ZDHHC17: variants seen among roughly 807,000 people sequenced by gnomAD.
ZDHHC17 encodes the protein zDHHC palmitoyltransferase 17, also known as palmitoyltransferase ZDHHC17.
A neutral mutation model predicts 90.3 loss-of-function variants in ZDHHC17; 40 were observed. The ratio of observed to expected loss-of-function variants is 0.44; its 90% CI spans 0.34 to 0.58. ZDHHC17 has a LOEUF of 0.58. Ranked by LOEUF, ZDHHC17 falls within the 20% of genes least tolerant of loss-of-function variation. The probability of loss-of-function intolerance (pLI) is 0.01; values close to 1 mark genes in which losing one functional copy is unlikely to be tolerated. For missense variants in ZDHHC17, 614 were observed against 780.8 expected, an observed-to-expected ratio of 0.79 and a Z score of 2.55; for synonymous variants, 235 against 252.4, an observed-to-expected ratio of 0.93 and a Z score of 0.65.
chr12:76,849,323 CAAAAAAAAAA>C, intron 15 of ZDHHC17, 43 bp from the exon 16 acceptor site: 1 of 452,136 alleles, frequency 2.2e-6, no homozygotes, highest in Non-Finnish European at 3.2e-6. Context: ...GGTCCTGTCT[CAAAAAAAAAA>C]AAAAAAAACA....
At chr12:76,825,597 T>G (rs1953221426) in intron 8 of ZDHHC17, among the ~76,000 whole-genome samples, 1 of 152,134 alleles carries the variant, frequency 6.6e-6, no homozygotes, top group Non-Finnish European at 1.5e-5. Context: ...GATGTTTAAT[T>G]ATTACTCTAA....
chr12:76,772,020 A>T (rs553825415), intron 1 of ZDHHC17, among the ~76,000 whole-genome samples: 2 of 152,310 alleles, frequency 1.3e-5, no homozygotes, highest in Admixed American at 1.3e-4. Context: ...TCTTCCATGT[A>T]GCCGGGACAT....
rs1953564443 is a variant in ZDHHC17, at chr12:76,851,269, A to AT, written c.*289dup. 1 of 354,038 alleles carries AT rather than the reference A, an allele frequency of 2.8e-6. No individual in the cohort carries two copies. Among genetic ancestry groups the AT allele is most frequent in the East Asian group, 7.3e-5 (1 of 13,684 alleles). 21.9% of individuals were successfully genotyped at this position (354,038 alleles called of 1,614,324 possible). A position where few individuals can be genotyped will look rare whatever the true frequency, so the allele number is the denominator to read the frequency against. ...AACTTTTGGGTTTTGTTCTCACAGT[A>AT]TTTTTCACAAAAAAAGGGTAAACTT... On this transcript the variant is annotated 3_prime_UTR_variant, in exon 17 of 17. Coordinates refer to ENST00000426126, the MANE Select transcript of ZDHHC17 (RefSeq NM_015336.4).
intron 1 of ZDHHC17, among the ~76,000 whole-genome samples, chr12:76,785,076 T>G (rs2137728572): frequency 6.6e-6 from 1 of 152,290 alleles, no homozygotes; most frequent in African/African-American, 2.4e-5. Flanking sequence ...ACAAGGACAG[T>G]TTTGTGAGTT....
chr12:76,850,618 T>A (rs1303435968), intron 16 of ZDHHC17, among the ~76,000 whole-genome samples: 1 of 152,192 alleles, frequency 6.6e-6, no homozygotes, highest in Non-Finnish European at 1.5e-5. Context: ...ATTTAAAATA[T>A]AATTGTGTAA....
At chr12:76,770,796 G>A (rs1053070186) in intron 1 of ZDHHC17, among the ~76,000 whole-genome samples, 1 of 152,022 alleles carries the variant, frequency 6.6e-6, no homozygotes, top group Admixed American at 6.5e-5. Context: ...AATTAGCCGG[G>A]CATGGGGGTG....
intron 5 of ZDHHC17, among the ~76,000 whole-genome samples, chr12:76,812,731 AT>A (rs1465550291): frequency 6.6e-6 from 1 of 151,964 alleles, no homozygotes; most frequent in Non-Finnish European, 1.5e-5. Flanking sequence ...AATTATATCA[AT>A]TTTACATTGT....
rs543757064 is a variant in ZDHHC17 at position 76,798,736 on chromosome 12, G to A, written c.197+1199G>A. 4.5e-4 allele frequency among the ~76,000 whole-genome samples: 68 copies of A among 152,264 alleles called. 3 individuals are homozygous for A. The South Asian group carries it at 0.012, about 28-fold the overall frequency. The stretch of plus-strand genomic sequence containing the variant: ...TCAGGAAACTTTACAATCATGGTGG[G>A]AGGTGAAGGGGAAGCAGGTACATCT... On this transcript the variant is annotated intron_variant, in intron 2 of 16. Transcript: ENST00000426126.
intron 2 of ZDHHC17, among the ~76,000 whole-genome samples, chr12:76,798,262 T>C (rs1292914702): frequency 6.6e-6 from 1 of 152,120 alleles, no homozygotes; most frequent in East Asian, 1.9e-4. Flanking sequence ...TTCTAAAATA[T>C]CGTCAAAATA....
intron 1 of ZDHHC17, among the ~76,000 whole-genome samples, chr12:76,788,637 A>T (rs887853865): frequency 1.3e-5 from 2 of 151,230 alleles, no homozygotes; most frequent in African/African-American, 4.9e-5. Flanking sequence ...TGAACAGGTA[A>T]TTCCCAAAAG....
intron 2 of ZDHHC17, among the ~76,000 whole-genome samples, chr12:76,802,918 C>CT (rs927391787): frequency 7.9e-5 from 12 of 151,742 alleles, no homozygotes; most frequent in South Asian, 6.3e-4. Context: ...TACAGCCGTT[C>CT]TTTTTTTTGT....
At chr12:76,826,826 TG>T in intron 8 of ZDHHC17, 81 bp from the exon 9 acceptor site, 1 of 1,369,226 alleles carries the variant, frequency 7.3e-7, no homozygotes, top group Non-Finnish European at 9.6e-7. Flanking sequence ...CGCTGTTGCA[TG>T]CCTTCACAAA....
intron 8 of ZDHHC17, among the ~76,000 whole-genome samples, chr12:76,824,474 T>G (rs192733349): frequency 6.6e-6 from 1 of 152,292 alleles, no homozygotes; most frequent in East Asian, 1.9e-4. Flanking sequence ...CTGTTCTTTC[T>G]TTTTCCATGT....
intron 5 of ZDHHC17, among the ~76,000 whole-genome samples, chr12:76,814,076 A>G (rs927370403): frequency 1.3e-5 from 2 of 152,022 alleles, no homozygotes; most frequent in Non-Finnish European, 2.9e-5. Context: ...AAAGTACTCC[A>G]GGTTAATGAG....
chr12:76,772,693 C>A (rs1316363528), intron 1 of ZDHHC17, among the ~76,000 whole-genome samples: 3 of 151,512 alleles, frequency 2.0e-5, no homozygotes, highest in Non-Finnish European at 4.4e-5. Flanking sequence ...TGCCACCATG[C>A]CCAGCTAACT....
chr12:76,809,610 C>G (rs376591395), intron 4 of ZDHHC17, 103 bp from the exon 5 acceptor site: 5 of 918,110 alleles, frequency 5.4e-6, no homozygotes. Context: ...TTTCAAAATA[C>G]ATACGTAATC....
chr12:76,813,883 T>C (rs1307592860), intron 5 of ZDHHC17, among the ~76,000 whole-genome samples: 1 of 152,116 alleles, frequency 6.6e-6, no homozygotes, highest in Non-Finnish European at 1.5e-5. Flanking sequence ...TAAAGTAATT[T>C]AGCCTACAAT....
chr12:76,837,706 A>G (rs1038368137), intron 10 of ZDHHC17, among the ~76,000 whole-genome samples: 4 of 152,212 alleles, frequency 2.6e-5, no homozygotes, highest in African/African-American at 9.6e-5. Context: ...ATTTTCTGTT[A>G]GGATCTCTGA....
intron 2 of ZDHHC17, 32 bp downstream of exon 2, chr12:76,797,569 C>A: frequency 6.7e-7 from 1 of 1,486,252 alleles, no homozygotes; most frequent in Non-Finnish European, 9.2e-7. Context: ...TTTTCTTTGG[C>A]ATGTGTATTT....
Sources: gnomAD v4.1 joint callset for allele counts (sites outside exome capture counted in the v4.1 genomes callset) on GRCh38, gnomAD v4.1.1 for gene constraint, MANE v1.5 for transcripts, NCBI Gene and HGNC (gene_info 2026-07-23, HGNC 2026-07-21) for gene names.